Variants in ZBTB37 observed in about 807,000 individuals in gnomAD.
ZBTB37 encodes the protein zinc finger and BTB domain containing 37.
ZBTB37 carries 15 observed loss-of-function variants against 37.7 expected under a neutral mutation model. The observed-to-expected ratio is 0.40, with a 90% CI of 0.27 to 0.61. ZBTB37 has a LOEUF of 0.61. Ranked by LOEUF, ZBTB37 falls within the 20% of genes least tolerant of loss-of-function variation. The pLI is 0.44. For missense variants in ZBTB37, 514 were observed against 641.9 expected (o/e 0.80, Z 2.15); for synonymous variants, 231 against 220.6 (o/e 1.05, Z -0.42).
At chr1:173,875,769 C>G (rs1655931777) in intron 4 of ZBTB37, among the ~76,000 whole-genome samples, 1 of 152,132 alleles carries the variant, frequency 6.6e-6, no homozygotes, top group African/African-American at 2.4e-5. Context: ...ATTCTCTCCC[C>G]TCAGCCTCCT....
intron 4 of ZBTB37, among the ~76,000 whole-genome samples, chr1:173,881,106 C>G (rs1656277058): frequency 6.6e-6 from 1 of 151,690 alleles, no homozygotes; most frequent in Non-Finnish European, 1.5e-5. Flanking sequence ...CCTCCCCCCT[C>G]CTCCCACCCC....
chr1:173,901,472 T>A (rs1028840310), exon 4 of ZBTB37: 1 of 150,334 alleles, frequency 6.7e-6, no homozygotes, highest in Admixed American at 6.7e-5. Flanking sequence ...GGTGCAATTA[T>A]AGCTCACTGC....
exon 3 of ZBTB37, chr1:173,870,493 G>T: frequency 6.2e-7 from 1 of 1,614,238 alleles, no homozygotes. Context: ...CTGTTACACA[G>T]GGCGGATATG....
At chr1:173,885,864 T>C (rs1656591742) in exon 5 of ZBTB37, 1 of 1,551,540 alleles carries the variant, frequency 6.4e-7, no homozygotes. Context: ...TCAGCTGGAG[T>C]ATCATATCCG....
chr1:173,885,063 G>A (rs1001033544), intron 4 of ZBTB37, among the ~76,000 whole-genome samples: 7 of 152,222 alleles, frequency 4.6e-5, no homozygotes, highest in Non-Finnish European at 4.4e-5. Flanking sequence ...GCAAAGCCTC[G>A]TCTCTGCAAA....
chr1:173,881,258 T>C (rs1656289320), intron 4 of ZBTB37, among the ~76,000 whole-genome samples: 1 of 152,118 alleles, frequency 6.6e-6, no homozygotes, highest in South Asian at 2.1e-4. Flanking sequence ...TCCACCTTCA[T>C]CCATGTCCCT....
intron 3 of ZBTB37, among the ~76,000 whole-genome samples, chr1:173,872,223 C>A (rs114622977): frequency 6.6e-6 from 1 of 152,030 alleles, no homozygotes; most frequent in African/African-American, 2.4e-5. Context: ...TCCCTGCCCC[C>A]ATGCTCAGCT....
exon 2 of ZBTB37, chr1:173,869,063 G>C (rs1655295142): frequency 6.6e-6 from 1 of 152,654 alleles, no homozygotes; most frequent in Admixed American, 6.5e-5. Flanking sequence ...TGATGGCATC[G>C]ACAGAGGCTC....
At chr1:173,873,822 A>G (rs1428742696) in intron 4 of ZBTB37, among the ~76,000 whole-genome samples, 5 of 152,246 alleles carry the variant, frequency 3.3e-5, no homozygotes, top group Non-Finnish European at 5.9e-5. Flanking sequence ...TTAACAAATT[A>G]ACACTGATAG....
intron 4 of ZBTB37, among the ~76,000 whole-genome samples, chr1:173,884,545 G>A (rs2146371): frequency 6.6e-6 from 1 of 152,128 alleles, no homozygotes; most frequent in Non-Finnish European, 1.5e-5. Flanking sequence ...CATGCCCTCA[G>A]ACAATTTACT....
chr1:173,902,507 G>A (rs1415545090), exon 4 of ZBTB37: 2 of 152,214 alleles, frequency 1.3e-5, no homozygotes, highest in Non-Finnish European at 2.9e-5. Flanking sequence ...GATGCCTCGG[G>A]AAAGTCAGTG....
exon 4 of ZBTB37, chr1:173,897,700 G>A (rs945091139): frequency 2.0e-4 from 30 of 152,330 alleles, no homozygotes; most frequent in African/African-American, 6.5e-4. Flanking sequence ...TTGCTCTGTA[G>A]TCCCTTGGGC....
chr1:173,885,947 T>C (rs1025743293), exon 5 of ZBTB37: 1 of 1,551,764 alleles, frequency 6.4e-7, no homozygotes, highest in African/African-American at 1.4e-5. Flanking sequence ...CCATCTTGAA[T>C]CAGCACTTTC....
exon 4 of ZBTB37, chr1:173,898,119 G>C (rs1238870196): frequency 6.6e-6 from 1 of 151,616 alleles, no homozygotes; most frequent in African/African-American, 2.4e-5. Flanking sequence ...TTTTTTGGGG[G>C]GCAGGGGTAG....
At chr1:173,881,874 G>GGT (rs1656330310) in intron 4 of ZBTB37, among the ~76,000 whole-genome samples, 1 of 152,026 alleles carries the variant, frequency 6.6e-6, no homozygotes, top group African/African-American at 2.4e-5. Context: ...CTAACACGGT[G>GGT]AAACCCTGTC....
intron 4 of ZBTB37, among the ~76,000 whole-genome samples, chr1:173,880,612 C>A (rs532567097): frequency 6.6e-6 from 1 of 152,316 alleles, no homozygotes; most frequent in African/African-American, 2.4e-5. Context: ...AGTTTACAGT[C>A]TAATAGGTAA....
At chr1:173,903,430 T>C in exon 4 of ZBTB37, 1 of 178,936 alleles carries the variant, frequency 5.6e-6, no homozygotes, top group East Asian at 1.7e-4. Flanking sequence ...CTGAAAAGTC[T>C]ATTAATGTAT....
chr1:173,896,568 A>C (rs1245684310), exon 4 of ZBTB37: 1 of 152,234 alleles, frequency 6.6e-6, no homozygotes, highest in Non-Finnish European at 1.5e-5. Flanking sequence ...CTTAAATTGC[A>C]AGAGAGAACA....
At chr1:173,873,283 C>T (rs1024415057) in intron 3 of ZBTB37, among the ~76,000 whole-genome samples, 184 bp from the exon 4 acceptor site, 1 of 152,168 alleles carries the variant, frequency 6.6e-6, no homozygotes, top group Admixed American at 6.5e-5. Flanking sequence ...ATTAAATTTA[C>T]TAGGGCTAAC....
Sources: gnomAD v4.1 joint callset for allele counts (sites outside exome capture counted in the v4.1 genomes callset) on GRCh38, gnomAD v4.1.1 for gene constraint, MANE v1.5 for transcripts, NCBI Gene and HGNC (gene_info 2026-07-23, HGNC 2026-07-21) for gene names.